Variants in ARID3B observed in about 807,000 individuals in gnomAD.
The protein encoded by ARID3B is AT-rich interaction domain 3B, also known as AT-rich interactive domain-containing protein 3B.
In ARID3B, 10 loss-of-function variants were observed where a neutral mutation model predicts 51.9. That is an observed-to-expected ratio of 0.19 (90% CI 0.12 to 0.33). ARID3B has a LOEUF of 0.33. Ranked by LOEUF, ARID3B falls within the 10% of genes least tolerant of loss-of-function variation. The pLI is 1.00. For missense variants in ARID3B, 483 were observed against 716.3 expected, an observed-to-expected ratio of 0.67 and a Z score of 3.72; for synonymous variants, 205 against 279.5, an observed-to-expected ratio of 0.73 and a Z score of 2.66.
At chr15:74,589,538 A>C (rs1253831783) in intron 4 of ARID3B, among the ~76,000 whole-genome samples, 1 of 152,192 alleles carries the variant, frequency 6.6e-6, no homozygotes, top group African/African-American at 2.4e-5. Flanking sequence ...ACACGAACTA[A>C]AAAACAAGCA....
rs542170712 is a variant in ARID3B, at chr15:74,597,022, G to A, written c.*1248G>A. 6 of 236,284 alleles carry A rather than the reference G, an allele frequency of 2.5e-5. No individual in the cohort carries two copies. Among genetic ancestry groups the A allele is most frequent in the Non-Finnish European group, 5.0e-5 (6 of 119,966 alleles). 14.6% of individuals were successfully genotyped at this position (236,284 alleles called of 1,614,324 possible). ...CGGGTCGGGCCCTGAAACTGTACCAGTTCTGAAGACCGTTTTCTGCCACAC... is the reference window on the plus strand; with the variant it reads ...CGGGTCGGGCCCTGAAACTGTACCAATTCTGAAGACCGTTTTCTGCCACAC... On this transcript the variant is annotated 3_prime_UTR_variant, in exon 9 of 9. Coordinates refer to ENST00000346246, the MANE Select transcript of ARID3B (RefSeq NM_006465.4).
At chr15:74,578,169 GT>G (rs60825645) in intron 4 of ARID3B, among the ~76,000 whole-genome samples, 113,495 of 139,326 alleles carry the variant, frequency 0.81, 44,822 homozygotes, top group Non-Finnish European at 0.89. Context: ...TCTTTTTTTT[GT>G]TTTTTTTTGT....
At chr15:74,551,140 A>G (rs2061636137) in intron 2 of ARID3B, among the ~76,000 whole-genome samples, 2 of 152,340 alleles carry the variant, frequency 1.3e-5, no homozygotes, top group South Asian at 2.1e-4. Flanking sequence ...AATAGTTTAC[A>G]TATAAGTGGA....
chr15:74,565,721 C>T (rs8026923), intron 2 of ARID3B, among the ~76,000 whole-genome samples: 1 of 150,974 alleles, frequency 6.6e-6, no homozygotes, highest in Non-Finnish European at 1.5e-5. Context: ...AGCATGGTCT[C>T]GTTGTTTTTT....
chr15:74,550,058 G>A (rs2061630889), intron 2 of ARID3B, among the ~76,000 whole-genome samples: 2 of 152,240 alleles, frequency 1.3e-5, no homozygotes, highest in African/African-American at 4.8e-5. Context: ...TTCAGTCTCA[G>A]TAACTGAGGA....
chr15:74,570,796 A>G (rs2061716693), intron 2 of ARID3B, among the ~76,000 whole-genome samples: 1 of 152,244 alleles, frequency 6.6e-6, no homozygotes, highest in East Asian at 1.9e-4. Context: ...GGCATAATTC[A>G]TCTTGATTAT....
At position 74,577,127 on chromosome 15, in the gene ARID3B, C is replaced by G. The variant is rs370511078; in HGVS notation, c.697+3923C>G. On this transcript the variant is annotated intron_variant, in intron 4 of 8. Transcript: ENST00000346246. ...TAGAGGTTGTTATTCCCAGCGATCT[C>G]CTTTCTAGAAAACTCTTATCTGGTA... 4.7e-4 allele frequency among the ~76,000 whole-genome samples: 71 copies of G among 152,246 alleles called. 1 individual carries two copies. Among genetic ancestry groups the G allele is most frequent in the African/African-American group, 1.6e-3 (67 of 41,528 alleles).
In ARID3B at chr15:74,591,670, G is replaced by A; in HGVS notation, c.1276G>A (p.Glu426Lys). Reference protein sequence around the residue: ...TRTAALEQLRERLESGEPAEK... With the variant: ...TRTAALEQLRKRLESGEPAEK... ...GACCGCCGCACTGGAGCAGCTGCGG[G>A]AGCGGCTGGAGTCAGGGGAGCCTGC... The change falls in exon 7 of 9, where the codon GAG becomes AAG. Residue 426 changes from glutamate to lysine, a missense_variant. Physicochemically the swap from Glu to Lys is moderately conservative, Grantham distance 56 (BLOSUM62 1). Around this residue, in one of 3 missense-constraint regions of ARID3B, gnomAD observed 265 missense variants for 354.4 expected, o/e 0.75. Coordinates refer to ENST00000346246, the MANE Select transcript of ARID3B (RefSeq NM_006465.4). The surrounding 1 kb of genome is among the most constrained non-coding windows in gnomAD (Gnocchi z 5.8). 1 of 1,609,680 alleles carries A rather than the reference G, an allele frequency of 6.2e-7. No homozygotes were observed. Among genetic ancestry groups the A allele is most frequent in the Non-Finnish European group, 8.5e-7 (1 of 1,178,228 alleles).
rs749828698 is a variant in ARID3B, at chr15:74,591,316, C to T, written c.1047C>T (p.Ala349=). 57 of 1,613,858 alleles carry T rather than the reference C, an allele frequency of 3.5e-5. 2 individuals are homozygous for T. In the South Asian group the frequency reaches 4.0e-4, roughly 11 times the overall value. The change falls in exon 6 of 9, where the codon GCC becomes GCT. Residue 349 remains alanine, a synonymous_variant. Transcript: ENST00000346246. The surrounding 1 kb of genome is among the most constrained non-coding windows in gnomAD (Gnocchi z 5.8). ...CTGCGGCTACTGCTGCTGCCGCTGC[C>T]GGGGCCCCTGCCCTTCTCTCCCCAC... ...SPAAATAAAA[A]GAPALLSPPK... is the part of the protein sequence containing the mutation.
Position 74,597,494 on chromosome 15 carries a change from C to T in ARID3B, c.*1720C>T. 1.9e-6 allele frequency: 1 copy of T among 534,410 alleles called. No homozygotes were observed. The highest frequency in any genetic ancestry group is 3.6e-6 in the Non-Finnish European group (1 of 276,440). The allele number at this position is 534,410 out of a possible 1,614,324, so 33.1% of individuals were successfully genotyped here. A position where few individuals can be genotyped will look rare whatever the true frequency, so the allele number is the denominator to read the frequency against. On this transcript the variant is annotated 3_prime_UTR_variant, in exon 9 of 9. Transcript: ENST00000346246. ...TCTCTCAGCCCTCCACACACACTCA[C>T]CCCCACTCCCACACACATACACACA...
At chr15:74,558,778 A>G (rs561993951) in intron 2 of ARID3B, among the ~76,000 whole-genome samples, 98 of 151,916 alleles carry the variant, frequency 6.5e-4, no homozygotes, top group African/African-American at 2.2e-3. Flanking sequence ...TCCAGTGTAA[A>G]TTCATTTTGA....
chr15:74,557,860 C>T (rs1381774365), intron 2 of ARID3B, among the ~76,000 whole-genome samples: 4 of 130,878 alleles, frequency 3.1e-5, no homozygotes, highest in Admixed American at 9.0e-5. Context: ...CTCACTCTGT[C>T]GCCCAGGCTG....
chr15:74,579,123 G>T (rs1377340245), intron 4 of ARID3B, among the ~76,000 whole-genome samples: 4 of 152,180 alleles, frequency 2.6e-5, no homozygotes, highest in Admixed American at 6.5e-5. Flanking sequence ...TGATAAAATG[G>T]CTGTCCAGTG....
At chr15:74,569,055 C>T (rs986896250) in intron 2 of ARID3B, among the ~76,000 whole-genome samples, 23 of 152,288 alleles carry the variant, frequency 1.5e-4, no homozygotes, top group African/African-American at 5.5e-4. Flanking sequence ...CTCAGTCAGC[C>T]ACAGTCAGCA....
At chr15:74,544,672 A>G (rs2061608952) in intron 2 of ARID3B, among the ~76,000 whole-genome samples, 184 bp downstream of exon 2, 1 of 151,384 alleles carries the variant, frequency 6.6e-6, no homozygotes, top group South Asian at 2.1e-4. Flanking sequence ...CATTAAAGCA[A>G]TGAAATATAT....
intron 2 of ARID3B, among the ~76,000 whole-genome samples, chr15:74,571,383 A>T (rs527307648): frequency 6.6e-6 from 1 of 152,260 alleles, no homozygotes; most frequent in Admixed American, 6.5e-5. Flanking sequence ...TCCTCACCAC[A>T]TACACACCCC....
At chr15:74,584,673 C>T (rs1360074998) in intron 4 of ARID3B, among the ~76,000 whole-genome samples, 1 of 152,192 alleles carries the variant, frequency 6.6e-6, no homozygotes, top group Non-Finnish European at 1.5e-5. Context: ...AAGAGGCCAT[C>T]TCTTCTGCCC....
chr15:74,546,146 A>T (rs1161947475), intron 2 of ARID3B, among the ~76,000 whole-genome samples: 1 of 151,922 alleles, frequency 6.6e-6, no homozygotes, highest in African/African-American at 2.4e-5. Context: ...TAGGACTAGA[A>T]TCAGAGAATC....
rs550115599 is a variant in ARID3B, at chr15:74,593,769, G to A, written c.1519+533G>A. On this transcript the variant is annotated intron_variant, in intron 8 of 8. Transcript: ENST00000346246. ...TAACTTAGTATTCATGACTGGGCAC[G>A]GTGGCTGATGCCTGTAATCCTTGCA... 5.9e-5 allele frequency among the ~76,000 whole-genome samples: 9 copies of A among 152,270 alleles called. No individual in the cohort carries two copies. The East Asian group carries it at 7.7e-4, about 13-fold the overall frequency.
Sources: allele counts gnomAD v4.1 joint callset (sites outside exome capture counted in the v4.1 genomes callset), GRCh38; gene constraint gnomAD v4.1.1; regional missense constraint gnomAD v4.1.1; non-coding constraint Gnocchi (gnomAD v3.1); transcripts MANE v1.5; gene names NCBI Gene and HGNC (gene_info 2026-07-23, HGNC 2026-07-21).